GSG1L: variants seen among roughly 807,000 people sequenced by gnomAD.
GSG1L encodes germ cell-specific gene 1-like protein.
A neutral mutation model predicts 42.1 loss-of-function variants in GSG1L; 24 were observed. The ratio of observed to expected loss-of-function variants is 0.57; its 90% CI spans 0.41 to 0.80. The LOEUF is 0.80. Among genes scored for constraint, GSG1L ranks in the 30% least tolerant of loss-of-function variants. GSG1L has a pLI of 0.00. For missense variants in GSG1L, 445 were observed against 472.2 expected (o/e 0.94, Z 0.53); for synonymous variants, 215 against 203.5 (o/e 1.06, Z -0.48).
chr16:27,885,803 C>A (rs907930196), intron 2 of GSG1L, among the ~76,000 whole-genome samples: 6 of 152,188 alleles, frequency 3.9e-5, no homozygotes, highest in African/African-American at 1.4e-4. Flanking sequence ...TGAAGACCAC[C>A]TGCACTCCTG....
intron 4 of GSG1L, among the ~76,000 whole-genome samples, chr16:27,834,755 C>G (rs2083305518): frequency 6.6e-6 from 1 of 152,086 alleles, no homozygotes; most frequent in African/African-American, 2.4e-5. Context: ...TCCTCAAAGT[C>G]TGCAGCAACA....
At chr16:27,937,773 T>C (rs1429782997) in intron 2 of GSG1L, among the ~76,000 whole-genome samples, 2 of 152,140 alleles carry the variant, frequency 1.3e-5, no homozygotes, top group Non-Finnish European at 2.9e-5. Flanking sequence ...CCAAAGGAAG[T>C]TCTGAGAGGC....
chr16:28,058,082 G>A (rs1301504664), intron 1 of GSG1L, among the ~76,000 whole-genome samples: 8 of 152,338 alleles, frequency 5.3e-5, no homozygotes, highest in East Asian at 3.9e-4. Flanking sequence ...GCAGTGCTCC[G>A]CCCAACGAGC....
chr16:27,794,192 A>T (rs988096517), intron 6 of GSG1L, among the ~76,000 whole-genome samples: 3 of 151,634 alleles, frequency 2.0e-5, no homozygotes, highest in African/African-American at 7.3e-5. Flanking sequence ...TTATTTATTT[A>T]TTTTTTGTAG....
intron 3 of GSG1L, among the ~76,000 whole-genome samples, chr16:27,852,808 G>A (rs190739681): frequency 6.6e-6 from 1 of 152,192 alleles, no homozygotes; most frequent in Non-Finnish European, 1.5e-5. Flanking sequence ...GAACAGGCGA[G>A]AGGAGCAGGA....
intron 1 of GSG1L, among the ~76,000 whole-genome samples, chr16:28,053,165 C>T (rs1327726004): frequency 2.6e-5 from 4 of 152,166 alleles, no homozygotes; most frequent in South Asian, 2.1e-4. Flanking sequence ...CAGACATAGA[C>T]AAAGGGGAGC....
At chr16:27,799,419 C>A (rs1357691178) in intron 6 of GSG1L, among the ~76,000 whole-genome samples, 1 of 152,090 alleles carries the variant, frequency 6.6e-6, no homozygotes, top group Non-Finnish European at 1.5e-5. Context: ...ATGTCATGTG[C>A]CTGCAATCTC....
rs568336079 is a variant in GSG1L, at chr16:27,852,735, C to T, written c.551-7674G>A. ...TGGACTTTATCCTGAGGACCCGGGG[C>T]AGGAATTGCAACTTTCGGAGCAAAG... On this transcript the variant is annotated intron_variant, in intron 3 of 6. Transcript: ENST00000447459. Among the ~76,000 whole-genome samples, 3 of 152,170 alleles carry T rather than the reference C, an allele frequency of 2.0e-5. No homozygotes were observed. The East Asian group carries it at 5.8e-4, about 29-fold the overall frequency.
At chr16:27,996,764 T>C (rs2085518529) in intron 1 of GSG1L, among the ~76,000 whole-genome samples, 1 of 152,224 alleles carries the variant, frequency 6.6e-6, no homozygotes, top group African/African-American at 2.4e-5. Flanking sequence ...CTTTACCTTA[T>C]AAATCTTTTT....
chr16:28,059,894 T>C lies in GSG1L; in HGVS notation c.349+3182A>G, dbSNP rs1307318748. Among the ~76,000 whole-genome samples, 1 of 152,198 alleles carries C rather than the reference T, an allele frequency of 6.6e-6. No individual in the cohort carries two copies. Among genetic ancestry groups the C allele is most frequent in the Non-Finnish European group, 1.5e-5 (1 of 68,046 alleles). The stretch of plus-strand genomic sequence containing the variant: ...GTTTAGGGCAGGCTGCAGTTTTCTT[T>C]GTGAACACTGTAGATTTTTAGTGTG... On this transcript the variant is annotated intron_variant, in intron 1 of 6. Transcript: ENST00000447459. This position sits in a 1 kb window ranked among gnomAD's most constrained non-coding sequence, Gnocchi z 4.4.
chr16:27,894,939 G>C (rs1047219333), intron 2 of GSG1L, among the ~76,000 whole-genome samples: 4 of 152,138 alleles, frequency 2.6e-5, no homozygotes, highest in Non-Finnish European at 5.9e-5. Flanking sequence ...AGGGGGAAAG[G>C]GCTGTCTGGA....
At chr16:27,919,466 A>T (rs1175905042) in intron 2 of GSG1L, among the ~76,000 whole-genome samples, 1 of 152,196 alleles carries the variant, frequency 6.6e-6, no homozygotes, top group Non-Finnish European at 1.5e-5. Flanking sequence ...CCTTTGCAGG[A>T]TCTCCCTACG....
intron 5 of GSG1L, among the ~76,000 whole-genome samples, chr16:27,819,716 G>A (rs1452736901): frequency 1.3e-5 from 2 of 152,188 alleles, no homozygotes; most frequent in East Asian, 1.9e-4. Context: ...GGACTCTGAA[G>A]TTATGATGAG....
chr16:27,946,172 C>T (rs1313466604), intron 2 of GSG1L, among the ~76,000 whole-genome samples: 1 of 152,184 alleles, frequency 6.6e-6, no homozygotes, highest in Admixed American at 6.5e-5. Flanking sequence ...AGGCAAGTGG[C>T]TCAACTTCTC....
intron 1 of GSG1L, among the ~76,000 whole-genome samples, chr16:28,004,898 A>G (rs1456933909): frequency 6.6e-6 from 1 of 152,216 alleles, no homozygotes; most frequent in Non-Finnish European, 1.5e-5. Flanking sequence ...CCAGAGAGCC[A>G]AAGACTGACG....
rs571219606 is a variant in GSG1L, at chr16:27,823,699, C to A, written c.830+5090G>T. 6.6e-5 allele frequency among the ~76,000 whole-genome samples: 10 copies of A among 152,198 alleles called. No homozygotes were observed. In the South Asian group the frequency reaches 2.1e-3, roughly 32 times the overall value. ...ACGGTCTGTCTCTCACCTCACCTGC[C>A]CCTCCTGCGATGAACTCCTCAGCCA... On this transcript the variant is annotated intron_variant, in intron 5 of 6. Coordinates refer to ENST00000447459, the MANE Select transcript of GSG1L (RefSeq NM_001109763.2).
chr16:27,798,731 G>A (rs1449241897), intron 6 of GSG1L, among the ~76,000 whole-genome samples: 1 of 152,164 alleles, frequency 6.6e-6, no homozygotes, highest in Non-Finnish European at 1.5e-5. Flanking sequence ...CTGGAGGGCA[G>A]TCTATTTTGA....
chr16:28,005,015 C>T (rs1158932331), intron 1 of GSG1L, among the ~76,000 whole-genome samples: 1 of 152,204 alleles, frequency 6.6e-6, no homozygotes, highest in African/African-American at 2.4e-5. Context: ...GAACACCAGA[C>T]AGTTCCTATC....
rs1209143653 is a variant in GSG1L at position 28,040,246 on chromosome 16, G to A, written c.349+22830C>T. ...CCCACCCGAGGGCCTTTTCACTTGC[G>A]ATTGCCTCCGTCTGAGGCTCTTTCT... On this transcript the variant is annotated intron_variant, in intron 1 of 6. Coordinates refer to ENST00000447459, the MANE Select transcript of GSG1L (RefSeq NM_001109763.2). The surrounding 1 kb of genome is among the most constrained non-coding windows in gnomAD (Gnocchi z 4.1). Among the ~76,000 whole-genome samples, 4 of 152,194 alleles carry A rather than the reference G, an allele frequency of 2.6e-5. No homozygotes were observed. The highest frequency in any genetic ancestry group is 4.4e-5 in the Non-Finnish European group (3 of 68,006).
Sources: allele counts gnomAD v4.1 joint callset (sites outside exome capture counted in the v4.1 genomes callset), GRCh38; gene constraint gnomAD v4.1.1; non-coding constraint Gnocchi (gnomAD v3.1); transcripts MANE v1.5; gene names NCBI Gene and HGNC (gene_info 2026-07-23, HGNC 2026-07-21).